The following ELOC variants were observed in gnomAD, a reference collection of about 807,000 sequenced individuals.
ELOC encodes elongin C.
For missense variants in ELOC, 38 were observed against 139.0 expected, an observed-to-expected ratio of 0.27 and a Z score of 3.65; for synonymous variants, 40 against 51.3, an observed-to-expected ratio of 0.78 and a Z score of 0.94.
At chr8:73,959,401 A>G (rs1157725474) in intron 2 of ELOC, among the ~76,000 whole-genome samples, 1 of 152,042 alleles carries the variant, frequency 6.6e-6, no homozygotes, top group East Asian at 1.9e-4. Flanking sequence ...CTTATTCTAT[A>G]TGCTTTTTTC....
At chr8:73,971,082 A>G (rs964708456) in intron 1 of ELOC, among the ~76,000 whole-genome samples, 3 of 151,386 alleles carry the variant, frequency 2.0e-5, no homozygotes, top group Non-Finnish European at 4.4e-5. Flanking sequence ...ATGGCAGTTA[A>G]AAAGTGAGAA....
intron 2 of ELOC, among the ~76,000 whole-genome samples, chr8:73,956,383 T>G (rs574088047): frequency 6.6e-6 from 1 of 151,962 alleles, no homozygotes; most frequent in Non-Finnish European, 1.5e-5. Flanking sequence ...AAGCTCCATC[T>G]CAAAAAAAAT....
At chr8:73,963,810 G>C (rs998584380) in intron 1 of ELOC, among the ~76,000 whole-genome samples, 1 of 151,944 alleles carries the variant, frequency 6.6e-6, no homozygotes, top group Non-Finnish European at 1.5e-5. Context: ...ATGCTTGATG[G>C]GGCTGGGTGT....
At chr8:73,963,675 TAGAAC>T (rs1484627279) in intron 1 of ELOC, among the ~76,000 whole-genome samples, 1 of 152,182 alleles carries the variant, frequency 6.6e-6, no homozygotes, top group East Asian at 1.9e-4. Context: ...AAAATAAGGT[TAGAAC>T]AGATCACTCA....
chr8:73,952,038 C>T (rs1290827129), intron 3 of ELOC, among the ~76,000 whole-genome samples: 1 of 152,090 alleles, frequency 6.6e-6, no homozygotes, highest in Non-Finnish European at 1.5e-5. Flanking sequence ...AATTTAAGAG[C>T]CAAACCCATA....
At chr8:73,959,641 G>A (rs376929551) in intron 2 of ELOC, 124 bp downstream of exon 2, 5 of 743,876 alleles carry the variant, frequency 6.7e-6, no homozygotes, top group East Asian at 2.8e-5. Flanking sequence ...AACATAAGCT[G>A]TTGATGTGGA....
At chr8:73,952,582 C>T (rs1205650520) in intron 3 of ELOC, among the ~76,000 whole-genome samples, 1 of 150,542 alleles carries the variant, frequency 6.6e-6, no homozygotes, top group Admixed American at 6.6e-5. Flanking sequence ...AGATCAAGAC[C>T]TTCCCGGCTA....
intron 2 of ELOC, among the ~76,000 whole-genome samples, chr8:73,956,998 C>T (rs1814235265): frequency 6.6e-6 from 1 of 151,838 alleles, no homozygotes; most frequent in Non-Finnish European, 1.5e-5. Flanking sequence ...GGTGAAACCC[C>T]GTCTCTACTA....
intron 3 of ELOC, among the ~76,000 whole-genome samples, chr8:73,948,027 T>C (rs1485683605): frequency 6.6e-6 from 1 of 152,018 alleles, no homozygotes; most frequent in Non-Finnish European, 1.5e-5. Context: ...ACCCCATCTG[T>C]ACTAAAAATA....
At chr8:73,956,852 T>C (rs1160505079) in intron 2 of ELOC, among the ~76,000 whole-genome samples, 1 of 152,110 alleles carries the variant, frequency 6.6e-6, no homozygotes, top group Non-Finnish European at 1.5e-5. Context: ...AAAATAATGA[T>C]CAAGTATGTA....
At chr8:73,969,212 G>A (rs948049692) in intron 1 of ELOC, among the ~76,000 whole-genome samples, 2 of 152,126 alleles carry the variant, frequency 1.3e-5, no homozygotes, top group African/African-American at 4.8e-5. Context: ...ATCAATCTCA[G>A]AAACTGATAC....
chr8:73,965,177 C>A (rs1814892694), intron 1 of ELOC, among the ~76,000 whole-genome samples: 1 of 150,438 alleles, frequency 6.6e-6, no homozygotes. Context: ...TCCTGTATGT[C>A]AATAAAAAAA....
chr8:73,971,929 G>A (rs1403295345), intron 1 of ELOC, 148 bp downstream of exon 1: 1 of 152,200 alleles, frequency 6.6e-6, no homozygotes, highest in Non-Finnish European at 1.5e-5. Flanking sequence ...CTAGGGGCTG[G>A]GGAGGCCCAA....
chr8:73,971,734 G>C (rs1166152497), intron 1 of ELOC: 1 of 152,180 alleles, frequency 6.6e-6, no homozygotes, highest in East Asian at 1.9e-4. Flanking sequence ...GAACTAATCT[G>C]AGCGGACACG....
chr8:73,963,041 C>T (rs1485858540), intron 1 of ELOC, among the ~76,000 whole-genome samples: 3 of 152,152 alleles, frequency 2.0e-5, no homozygotes, highest in Non-Finnish European at 2.9e-5. Context: ...AAAAGCCACT[C>T]GTAGGGGAAC....
intron 1 of ELOC, among the ~76,000 whole-genome samples, chr8:73,963,295 T>C (rs1814732065): frequency 6.6e-6 from 1 of 152,212 alleles, no homozygotes; most frequent in African/African-American, 2.4e-5. Flanking sequence ...TGATTTGAAA[T>C]ATTACCTTTA....
At chr8:73,954,649 C>T (rs13258609) in intron 3 of ELOC, among the ~76,000 whole-genome samples, 1 of 122,848 alleles carries the variant, frequency 8.1e-6, no homozygotes, top group Non-Finnish European at 1.7e-5. Context: ...AAGACTCCGT[C>T]TCAAAAAAAA....
intron 2 of ELOC, among the ~76,000 whole-genome samples, chr8:73,957,044 G>C (rs537287817): frequency 4.0e-4 from 61 of 152,022 alleles, no homozygotes; most frequent in Non-Finnish European, 4.4e-5. Flanking sequence ...GTGGTGGCGG[G>C]TGCCTGTAGT....
chr8:73,948,835 A>AAGCAAGCAAGCAAG (rs1813560244), intron 3 of ELOC, among the ~76,000 whole-genome samples: 86 of 150,380 alleles, frequency 5.7e-4, no homozygotes, highest in African/African-American at 1.8e-3. Context: ...CCTGTCACTC[A>AAGCAAGCAAGCAAG]CAAGCAAGCA....
Sources: gnomAD v4.1 joint callset for allele counts (sites outside exome capture counted in the v4.1 genomes callset) on GRCh38, gnomAD v4.1.1 for gene constraint, MANE v1.5 for transcripts, NCBI Gene and HGNC (gene_info 2026-07-23, HGNC 2026-07-21) for gene names.